Variants in PTPRD observed in about 807,000 individuals in gnomAD.
PTPRD encodes receptor-type tyrosine-protein phosphatase delta.
A neutral mutation model predicts 214.5 loss-of-function variants in PTPRD; 34 were observed. The observed-to-expected ratio is 0.16, with a 90% CI of 0.12 to 0.21. The LOEUF (loss-of-function observed/expected upper bound fraction) is 0.21, where lower values mean the gene tolerates loss of function less well. PTPRD is among the 10% of genes least tolerant of loss of function. PTPRD has a pLI of 1.00. For synonymous variants in PTPRD, 1,128 were observed against 845.7 expected (o/e 1.33, Z -5.79); for missense variants, 2,545 against 2,398.7 (o/e 1.06, Z -1.27).
intron 12 of PTPRD, among the ~76,000 whole-genome samples, chr9:8,730,086 C>G (rs909307514): frequency 1.3e-4 from 20 of 152,010 alleles, no homozygotes; most frequent in Non-Finnish European, 2.4e-4. Context: ...GAAACCCCGT[C>G]TCTACTAAAT....
chr9:8,458,895 T>A (rs2096293244), intron 33 of PTPRD, among the ~76,000 whole-genome samples: 2 of 151,998 alleles, frequency 1.3e-5, no homozygotes, highest in African/African-American at 4.8e-5. Context: ...TGAAAAAAAA[T>A]AATGATGGAT....
chr9:9,677,339 C>A (rs1315314383), intron 7 of PTPRD, among the ~76,000 whole-genome samples: 3 of 151,970 alleles, frequency 2.0e-5, no homozygotes, highest in Non-Finnish European at 4.4e-5. Context: ...TTTCAGCTTT[C>A]TACATATGGC....
chr9:8,412,871 T>C (rs1469799267), intron 35 of PTPRD, among the ~76,000 whole-genome samples: 1 of 152,092 alleles, frequency 6.6e-6, no homozygotes, highest in East Asian at 1.9e-4. Context: ...CAGCTGCATA[T>C]GGTTCTCACT....
At chr9:9,679,499 C>G (rs2097018383) in intron 7 of PTPRD, among the ~76,000 whole-genome samples, 1 of 151,832 alleles carries the variant, frequency 6.6e-6, no homozygotes, top group Non-Finnish European at 1.5e-5. Context: ...GTGAATTAAT[C>G]TTGCTGAAAA....
chr9:9,649,331 G>C (rs16929983), intron 7 of PTPRD, among the ~76,000 whole-genome samples: 3,911 of 152,198 alleles, frequency 0.026, 66 homozygotes, highest in Middle Eastern at 0.041. Context: ...TTACATTTTA[G>C]AGTCAAATAA....
intron 9 of PTPRD, among the ~76,000 whole-genome samples, chr9:9,271,432 G>A (rs1159409323): frequency 6.6e-6 from 1 of 151,146 alleles, no homozygotes; most frequent in African/African-American, 2.4e-5. Flanking sequence ...TTTCATTCCT[G>A]TTATGTTGCA....
At chr9:8,387,702 A>C (rs2087685116) in intron 37 of PTPRD, among the ~76,000 whole-genome samples, 1 of 152,210 alleles carries the variant, frequency 6.6e-6, no homozygotes, top group South Asian at 2.1e-4. Flanking sequence ...TGGTAGCTGA[A>C]TGACCTTGGG....
chr9:8,800,377 G>T (rs1050820153), intron 11 of PTPRD, among the ~76,000 whole-genome samples: 1 of 152,160 alleles, frequency 6.6e-6, no homozygotes, highest in African/African-American at 2.4e-5. Context: ...TTCCCAGACA[G>T]TGAAGGCATT....
chr9:9,939,283 A>T (rs1259739743), intron 4 of PTPRD, among the ~76,000 whole-genome samples: 1 of 152,158 alleles, frequency 6.6e-6, no homozygotes, highest in Non-Finnish European at 1.5e-5. Context: ...TACTGCACAC[A>T]AATAGAGCTA....
At chr9:9,622,077 C>T (rs1476014418) in intron 7 of PTPRD, among the ~76,000 whole-genome samples, 1 of 152,104 alleles carries the variant, frequency 6.6e-6, no homozygotes, top group East Asian at 1.9e-4. Context: ...TTTCTCAAAA[C>T]ACAGACTCTA....
chr9:8,479,727 T>C (rs532930475), intron 30 of PTPRD, among the ~76,000 whole-genome samples: 12 of 152,182 alleles, frequency 7.9e-5, no homozygotes, highest in Non-Finnish European at 1.6e-4. Context: ...CATTTTTATA[T>C]AAATAAAAGA....
At chr9:9,987,029 G>C (rs2095738721) in intron 4 of PTPRD, among the ~76,000 whole-genome samples, 1 of 152,104 alleles carries the variant, frequency 6.6e-6, no homozygotes, top group Admixed American at 6.6e-5. Context: ...AAAGTAGCTA[G>C]TGTATAAGAG....
At chr9:10,525,305 TC>T (rs2053902407) in intron 2 of PTPRD, among the ~76,000 whole-genome samples, 1 of 151,994 alleles carries the variant, frequency 6.6e-6, no homozygotes, top group Admixed American at 6.6e-5. Context: ...GATAAAAGTC[TC>T]CCTATATAAT....
At chr9:9,856,509 T>C (rs939890313) in intron 5 of PTPRD, among the ~76,000 whole-genome samples, 5 of 151,874 alleles carry the variant, frequency 3.3e-5, no homozygotes, top group African/African-American at 1.2e-4. Flanking sequence ...TCTTCATTCC[T>C]CAAGATTAAC....
At chr9:8,979,800 A>G (rs1199749093) in intron 11 of PTPRD, among the ~76,000 whole-genome samples, 1 of 152,112 alleles carries the variant, frequency 6.6e-6, no homozygotes, top group Non-Finnish European at 1.5e-5. Context: ...AGAGATTGGT[A>G]CAGCCATTAT....
At chr9:8,649,186 A>G (rs942476653) in intron 12 of PTPRD, among the ~76,000 whole-genome samples, 1 of 152,240 alleles carries the variant, frequency 6.6e-6, no homozygotes. Flanking sequence ...TGAATTTTTA[A>G]GAGGAACTAG....
At chr9:9,849,903 C>T (rs1050347768) in intron 5 of PTPRD, among the ~76,000 whole-genome samples, 1 of 152,082 alleles carries the variant, frequency 6.6e-6, no homozygotes, top group African/African-American at 2.4e-5. Context: ...CAAGGAAGAG[C>T]ATGGTCCTAC....
chr9:10,539,150 A>G (rs2058536464), intron 2 of PTPRD, among the ~76,000 whole-genome samples: 2 of 152,156 alleles, frequency 1.3e-5, no homozygotes, highest in African/African-American at 2.4e-5. Context: ...CTTTCAAGAG[A>G]AAACAGCATT....
intron 35 of PTPRD, among the ~76,000 whole-genome samples, chr9:8,413,836 T>C (rs1292127595): frequency 6.6e-6 from 1 of 152,126 alleles, no homozygotes; most frequent in African/African-American, 2.4e-5. Context: ...AAAAGATTAC[T>C]CTCAAAGATT....
Sources: allele counts gnomAD v4.1 joint callset (sites outside exome capture counted in the v4.1 genomes callset), GRCh38; gene constraint gnomAD v4.1.1; transcripts MANE v1.5; gene names NCBI Gene and HGNC (gene_info 2026-07-23, HGNC 2026-07-21).